The following CNTN5 variants were observed in gnomAD, a reference collection of about 807,000 sequenced individuals.
CNTN5 encodes contactin 5, also known as contactin-5.
A neutral mutation model predicts 129.1 loss-of-function variants in CNTN5; 77 were observed. That is an observed-to-expected ratio of 0.60 (90% confidence interval 0.50 to 0.72). CNTN5 has a LOEUF of 0.72. Ranked by LOEUF, CNTN5 falls within the 30% of genes least tolerant of loss-of-function variation. CNTN5 has a pLI of 0.00. For missense variants in CNTN5, 1,478 were observed against 1,328.8 expected (o/e 1.11, Z -1.75); for synonymous variants, 509 against 465.6 (o/e 1.09, Z -1.20).
At chr11:99,890,348 T>C (rs550264000) in intron 6 of CNTN5, among the ~76,000 whole-genome samples, 30 of 152,150 alleles carry the variant, frequency 2.0e-4, no homozygotes, top group African/African-American at 5.5e-4. Flanking sequence ...TATATATATC[T>C]CAGTATATAA....
At chr11:99,679,312 T>C (rs1438446009) in intron 3 of CNTN5, among the ~76,000 whole-genome samples, 1 of 151,772 alleles carries the variant, frequency 6.6e-6, no homozygotes. Context: ...TTTATTATAC[T>C]GTGGAGATAC....
chr11:99,342,248 A>G (rs1171816048), intron 2 of CNTN5, among the ~76,000 whole-genome samples: 1 of 152,096 alleles, frequency 6.6e-6, no homozygotes, highest in Non-Finnish European at 1.5e-5. Flanking sequence ...AATTTGACTC[A>G]TTGCCACAAA....
intron 3 of CNTN5, among the ~76,000 whole-genome samples, chr11:99,786,081 C>T (rs572053179): frequency 6.6e-6 from 1 of 152,124 alleles, no homozygotes; most frequent in East Asian, 1.9e-4. Flanking sequence ...GTTTGCAGAT[C>T]ACATGATTGT....
chr11:100,295,493 G>A (rs994558904), intron 18 of CNTN5, among the ~76,000 whole-genome samples: 2 of 150,672 alleles, frequency 1.3e-5, no homozygotes, highest in African/African-American at 2.4e-5. Context: ...ATCTAAATTG[G>A]TAAATTGTTT....
intron 2 of CNTN5, among the ~76,000 whole-genome samples, chr11:99,497,690 T>C (rs1049552444): frequency 1.3e-5 from 2 of 152,168 alleles, no homozygotes; most frequent in Non-Finnish European, 2.9e-5. Flanking sequence ...TGCTAGATAT[T>C]CATTGTTTGA....
intron 1 of CNTN5, among the ~76,000 whole-genome samples, chr11:99,119,917 A>G (rs1262012641): frequency 6.6e-6 from 1 of 152,070 alleles, no homozygotes; most frequent in African/African-American, 2.4e-5. Context: ...GGTCACATGT[A>G]TGTCTTCTTT....
intron 6 of CNTN5, among the ~76,000 whole-genome samples, chr11:99,895,683 G>A (rs1250833150): frequency 6.6e-6 from 1 of 152,076 alleles, no homozygotes; most frequent in Admixed American, 6.6e-5. Context: ...CTCCCCTGGG[G>A]ATCACACTTC....
intron 14 of CNTN5, 33 bp from the exon 15 acceptor site, chr11:100,193,451 GTTGA>G (rs1591377024): frequency 3.9e-6 from 5 of 1,291,296 alleles, no homozygotes; most frequent in Non-Finnish European, 4.2e-6. Flanking sequence ...AACACAACAG[GTTGA>G]TTATCTTAAT....
chr11:99,028,667 C>T (rs180703110), intron 1 of CNTN5, among the ~76,000 whole-genome samples: 9 of 151,692 alleles, frequency 5.9e-5, no homozygotes, highest in Admixed American at 5.9e-4. Context: ...ACTTTAATAT[C>T]TCAGAGCCAT....
intron 1 of CNTN5, among the ~76,000 whole-genome samples, chr11:99,311,322 C>A (rs1055027893): frequency 1.3e-5 from 2 of 152,112 alleles, no homozygotes; most frequent in African/African-American, 4.8e-5. Flanking sequence ...TGCTAAATTT[C>A]TGTCAAATAC....
chr11:99,626,597 A>G (rs1347146692), intron 3 of CNTN5, among the ~76,000 whole-genome samples: 2 of 152,156 alleles, frequency 1.3e-5, no homozygotes, highest in African/African-American at 2.4e-5. Flanking sequence ...GGCTTTCTGC[A>G]TGTAATTGCA....
chr11:99,221,652 C>T (rs1309795270), intron 1 of CNTN5, among the ~76,000 whole-genome samples: 3 of 151,846 alleles, frequency 2.0e-5, no homozygotes, highest in Non-Finnish European at 1.5e-5. Context: ...GTATGGTTTA[C>T]GTTGGAGTAC....
intron 1 of CNTN5, chr11:99,049,933 A>G (rs538257457): frequency 6.6e-6 from 1 of 152,178 alleles, no homozygotes; most frequent in South Asian, 2.1e-4. Context: ...GAAAGAATAA[A>G]GTCTTGCTTG....
At chr11:99,863,212 C>A in intron 6 of CNTN5, among the ~76,000 whole-genome samples, 1 of 151,694 alleles carries the variant, frequency 6.6e-6, no homozygotes, top group Admixed American at 6.6e-5. Flanking sequence ...AACTGGAGCC[C>A]AATATAATGA....
At chr11:99,908,219 G>A (rs1176273772) in intron 6 of CNTN5, among the ~76,000 whole-genome samples, 1 of 152,028 alleles carries the variant, frequency 6.6e-6, no homozygotes, top group Admixed American at 6.6e-5. Flanking sequence ...GGAGAAAGGG[G>A]TAAGGAGTCA....
chr11:100,219,150 A>T (rs557328786), intron 15 of CNTN5, among the ~76,000 whole-genome samples: 1 of 152,304 alleles, frequency 6.6e-6, no homozygotes, highest in South Asian at 2.1e-4. Context: ...TTCAAAGCTC[A>T]GATGTAGGTA....
chr11:100,271,532 A>G (rs917219895), intron 18 of CNTN5, among the ~76,000 whole-genome samples: 5 of 152,166 alleles, frequency 3.3e-5, no homozygotes, highest in African/African-American at 1.2e-4. Flanking sequence ...TATTCTTCTA[A>G]TAATATACTC....
intron 13 of CNTN5, among the ~76,000 whole-genome samples, chr11:100,079,999 G>T (rs1044347819): frequency 6.6e-6 from 1 of 152,048 alleles, no homozygotes; most frequent in Non-Finnish European, 1.5e-5. Flanking sequence ...TGTACTTTTT[G>T]TGGACAAAGA....
At position 99,491,979 on chromosome 11, in the gene CNTN5, A is replaced by C. The variant is rs530064719; in HGVS notation, c.-70-64166A>C. ...CTGGGTAGAAGAAGTCATATAACCA[A>C]CTTGAAGCCTGATTCCTGCAAGGAA... On this transcript the variant is annotated intron_variant, in intron 2 of 24. Coordinates refer to ENST00000524871, the MANE Select transcript of CNTN5 (RefSeq NM_014361.4). 7.2e-5 allele frequency among the ~76,000 whole-genome samples: 11 copies of C among 152,284 alleles called. No homozygotes were observed. In the South Asian group the frequency reaches 2.3e-3, roughly 32 times the overall value.
Sources: allele counts gnomAD v4.1 joint callset (sites outside exome capture counted in the v4.1 genomes callset), GRCh38; gene constraint gnomAD v4.1.1; transcripts MANE v1.5; gene names NCBI Gene and HGNC (gene_info 2026-07-23, HGNC 2026-07-21).